The following CWC27 variants were observed in gnomAD, a reference collection of about 807,000 sequenced individuals.
CWC27 encodes the protein CWC27 spliceosome associated cyclophilin.
In CWC27, 47 loss-of-function variants were observed where a neutral mutation model predicts 63.6. The observed-to-expected ratio is 0.74, with a 90% CI of 0.58 to 0.94. The LOEUF (loss-of-function observed/expected upper bound fraction) is 0.94, where lower values mean the gene tolerates loss of function less well. CWC27 is among the 40% of genes least tolerant of loss of function. The pLI, the probability that CWC27 is intolerant of heterozygous loss-of-function variation, is 0.00. For synonymous variants in CWC27, 175 were observed against 179.8 expected (o/e 0.97, Z 0.22); for missense variants, 495 against 554.3 (o/e 0.89, Z 1.07).
chr5:65,008,287 C>T (rs1207165441), intron 13 of CWC27, among the ~76,000 whole-genome samples: 1 of 152,098 alleles, frequency 6.6e-6, no homozygotes, highest in African/African-American at 2.4e-5. Context: ...CTGAACTGTT[C>T]TAAAAATAGT....
chr5:64,902,773 T>C (rs556992084), intron 11 of CWC27, among the ~76,000 whole-genome samples: 1 of 152,290 alleles, frequency 6.6e-6, no homozygotes, highest in South Asian at 2.1e-4. Flanking sequence ...AGAATTTTGA[T>C]TGGGATTGCA....
At chr5:64,845,018 A>C in intron 10 of CWC27, 1 of 456,732 alleles carries the variant, frequency 2.2e-6, no homozygotes, top group South Asian at 1.5e-5. Flanking sequence ...TACAACTTGC[A>C]ACTGGCCTGA....
intron 3 of CWC27, among the ~76,000 whole-genome samples, chr5:64,782,460 A>AAATAAATAAATAAATAAATG (rs1444913481): frequency 2.7e-5 from 4 of 150,832 alleles, no homozygotes; most frequent in Non-Finnish European, 4.4e-5. Context: ...ATAAATAAAT[A>AAATAAATAAATAAATAAATG]AATAAATAAA....
At chr5:64,925,708 A>G (rs1487850236) in intron 11 of CWC27, among the ~76,000 whole-genome samples, 1 of 152,204 alleles carries the variant, frequency 6.6e-6, no homozygotes, top group Non-Finnish European at 1.5e-5. Context: ...CAGAAGGATT[A>G]AATCAGTTTT....
intron 10 of CWC27, among the ~76,000 whole-genome samples, chr5:64,879,268 C>T (rs1580697903): frequency 6.6e-6 from 1 of 151,816 alleles, no homozygotes; most frequent in Non-Finnish European, 1.5e-5. Context: ...AAATTTGATG[C>T]ATTTGTGGTA....
At chr5:64,957,592 A>T (rs1360589910) in intron 11 of CWC27, among the ~76,000 whole-genome samples, 1 of 152,188 alleles carries the variant, frequency 6.6e-6, no homozygotes, top group South Asian at 2.1e-4. Flanking sequence ...AACAATTCTC[A>T]ATAATCATTT....
At position 64,948,417 on chromosome 5, in the gene CWC27, C is replaced by T. The variant is rs901647453; in HGVS notation, c.1043-23286C>T. Among the ~76,000 whole-genome samples, 3 of 151,308 alleles carry T rather than the reference C, an allele frequency of 2.0e-5. No individual in the cohort carries two copies. In the East Asian group the frequency reaches 5.8e-4, roughly 29 times the overall value. On this transcript the variant is annotated intron_variant, in intron 11 of 13. Transcript: ENST00000381070. ...TTTTTATGGCTCAACCTTATATATACAGTTTTATCTAGTAGATGTACTAAC... is the reference window on the plus strand; with the variant it reads ...TTTTTATGGCTCAACCTTATATATATAGTTTTATCTAGTAGATGTACTAAC...
intron 11 of CWC27, among the ~76,000 whole-genome samples, chr5:64,902,181 A>G (rs550941778): frequency 1.7e-4 from 26 of 152,356 alleles, no homozygotes; most frequent in South Asian, 6.2e-4. Flanking sequence ...TGTACTGTAC[A>G]TAATTGTATG....
chr5:64,774,930 T>G, intron 2 of CWC27, 143 bp downstream of exon 2: 1 of 499,346 alleles, frequency 2.0e-6, no homozygotes, highest in Non-Finnish European at 3.5e-6. Flanking sequence ...TTGAGCTGGG[T>G]GTCCGGAAGT....
At chr5:64,860,010 T>G (rs1426922189) in intron 10 of CWC27, among the ~76,000 whole-genome samples, 3 of 152,190 alleles carry the variant, frequency 2.0e-5, no homozygotes, top group African/African-American at 7.2e-5. Flanking sequence ...ACTCTAAACC[T>G]TCACAACAAC....
intron 1 of CWC27, among the ~76,000 whole-genome samples, chr5:64,774,303 G>A (rs1388352489): frequency 6.6e-6 from 1 of 152,088 alleles, no homozygotes; most frequent in Non-Finnish European, 1.5e-5. Context: ...ACACCACCAT[G>A]CCTGGCTAAT....
At chr5:64,945,814 C>T (rs1748580779) in intron 11 of CWC27, among the ~76,000 whole-genome samples, 3 of 152,110 alleles carry the variant, frequency 2.0e-5, no homozygotes, top group Admixed American at 1.3e-4. Context: ...AGAGACGAAA[C>T]CTACCTTCAG....
At chr5:64,947,738 G>C (rs773581956) in intron 11 of CWC27, among the ~76,000 whole-genome samples, 6 of 152,038 alleles carry the variant, frequency 3.9e-5, no homozygotes, top group Admixed American at 6.6e-5. Context: ...TTTCCTATGG[G>C]CCTCCCCTCT....
At chr5:64,925,633 G>C (rs556920686) in intron 11 of CWC27, among the ~76,000 whole-genome samples, 2 of 152,192 alleles carry the variant, frequency 1.3e-5, no homozygotes, top group Non-Finnish European at 1.5e-5. Context: ...CTAGAGTCAC[G>C]TGGAATTAGG....
At chr5:65,015,143 G>C (rs1443690569) in intron 13 of CWC27, among the ~76,000 whole-genome samples, 1 of 152,064 alleles carries the variant, frequency 6.6e-6, no homozygotes, top group African/African-American at 2.4e-5. Flanking sequence ...TGTGTCTAGA[G>C]TTCATTTTTT....
intron 10 of CWC27, among the ~76,000 whole-genome samples, chr5:64,849,826 G>A (rs750154568): frequency 1.3e-5 from 2 of 152,024 alleles, no homozygotes; most frequent in African/African-American, 2.4e-5. Context: ...CCTGTCACCT[G>A]GTGAAGAAGG....
intron 11 of CWC27, among the ~76,000 whole-genome samples, chr5:64,915,843 A>G (rs1424620203): frequency 6.6e-6 from 1 of 152,188 alleles, no homozygotes; most frequent in Non-Finnish European, 1.5e-5. Context: ...TCCATTTTAC[A>G]AATAAGAAAA....
chr5:64,795,146 TA>T (rs1388984495), intron 7 of CWC27, among the ~76,000 whole-genome samples: 1 of 152,190 alleles, frequency 6.6e-6, no homozygotes, highest in African/African-American at 2.4e-5. Flanking sequence ...TTTATGAAAT[TA>T]AACTTTCCCA....
intron 11 of CWC27, among the ~76,000 whole-genome samples, chr5:64,933,571 C>T (rs2112405002): frequency 6.6e-6 from 1 of 151,056 alleles, no homozygotes; most frequent in East Asian, 2.0e-4. Context: ...CGGCTCGCTG[C>T]AACCTCCACC....
Sources: gnomAD v4.1 joint callset for allele counts (sites outside exome capture counted in the v4.1 genomes callset) on GRCh38, gnomAD v4.1.1 for gene constraint, MANE v1.5 for transcripts, NCBI Gene and HGNC (gene_info 2026-07-23, HGNC 2026-07-21) for gene names.